The following CDH12 variants were observed in gnomAD, a reference collection of about 807,000 sequenced individuals.
CDH12 encodes the protein cadherin 12.
A neutral mutation model predicts 74.1 loss-of-function variants in CDH12; 41 were observed. The observed-to-expected ratio is 0.55, with a 90% CI of 0.43 to 0.72. The LOEUF (loss-of-function observed/expected upper bound fraction) is 0.72. Among genes scored for constraint, CDH12 ranks in the 30% least tolerant of loss-of-function variants. The probability of loss-of-function intolerance (pLI) is 0.00; values close to 1 mark genes in which losing one functional copy is unlikely to be tolerated. For missense variants in CDH12, 945 were observed against 977.2 expected (o/e 0.97, Z 0.44); for synonymous variants, 399 against 355.0 (o/e 1.12, Z -1.39).
At chr5:22,306,840 G>C (rs1232271099) in intron 3 of CDH12, among the ~76,000 whole-genome samples, 1 of 152,132 alleles carries the variant, frequency 6.6e-6, no homozygotes, top group Non-Finnish European at 1.5e-5. Context: ...GATGTACCAT[G>C]CCTCTACATT....
intron 4 of CDH12, among the ~76,000 whole-genome samples, chr5:22,208,501 A>T (rs190180732): frequency 9.5e-4 from 144 of 152,322 alleles, no homozygotes; most frequent in Middle Eastern, 3.4e-3. Flanking sequence ...CAGCTTATTC[A>T]TGATTTCCAC....
chr5:22,721,644 A>C (rs1468553607), intron 1 of CDH12, among the ~76,000 whole-genome samples: 1 of 152,080 alleles, frequency 6.6e-6, no homozygotes, highest in Non-Finnish European at 1.5e-5. Context: ...TTTGAGAGGG[A>C]CCAGGGACAG....
At chr5:22,750,962 T>C (rs7711076) in intron 1 of CDH12, among the ~76,000 whole-genome samples, 37,070 of 145,640 alleles carry the variant, frequency 0.25, 4,819 homozygotes, top group South Asian at 0.32. Flanking sequence ...AGAGAAAAAA[T>C]GAGAACAAGG....
chr5:22,319,401 A>G (rs1738766199), intron 3 of CDH12, among the ~76,000 whole-genome samples: 1 of 152,180 alleles, frequency 6.6e-6, no homozygotes, highest in Non-Finnish European at 1.5e-5. Flanking sequence ...GTGGGAAGAA[A>G]AGGAATAAAA....
rs1179765065 is a variant in CDH12 at position 21,938,837 on chromosome 5, A to T, written c.526+36254T>A. Among the ~76,000 whole-genome samples, 4 of 149,292 alleles carry T rather than the reference A, an allele frequency of 2.7e-5. No individual in the cohort carries two copies. In the East Asian group the frequency reaches 7.8e-4, roughly 29 times the overall value. On this transcript the variant is annotated intron_variant, in intron 6 of 14. Transcript: ENST00000382254. ...TTTTTACCAGGTTTGAAAGGGGAGC[A>T]GTCCTTTGAATTAGAATTATTTGAA...
At chr5:22,060,520 G>T (rs546934815) in intron 5 of CDH12, among the ~76,000 whole-genome samples, 8 of 150,584 alleles carry the variant, frequency 5.3e-5, no homozygotes, top group Non-Finnish European at 8.9e-5. Context: ...ATGAGAGAAA[G>T]GCAAGGAACT....
chr5:22,594,414 G>T (rs528825916), intron 1 of CDH12, among the ~76,000 whole-genome samples: 1 of 152,080 alleles, frequency 6.6e-6, no homozygotes, highest in African/African-American at 2.4e-5. Context: ...CCAAAGAGAC[G>T]TACTCATCTC....
chr5:21,986,270 T>C (rs16900643), intron 5 of CDH12, among the ~76,000 whole-genome samples: 5,071 of 152,274 alleles, frequency 0.033, 263 homozygotes, highest in African/African-American at 0.12. Context: ...TTACACATCC[T>C]GTTATAGAAA....
intron 1 of CDH12, among the ~76,000 whole-genome samples, chr5:22,575,226 T>C (rs1333014856): frequency 2.0e-5 from 3 of 152,096 alleles, no homozygotes; most frequent in South Asian, 2.1e-4. Flanking sequence ...ACACTTTTTT[T>C]CCTATATTTC....
At chr5:22,547,689 T>A (rs1462397252) in intron 1 of CDH12, among the ~76,000 whole-genome samples, 1 of 152,150 alleles carries the variant, frequency 6.6e-6, no homozygotes, top group African/African-American at 2.4e-5. Flanking sequence ...AACTAATACA[T>A]CAAATTGTGT....
chr5:22,765,569 T>C (rs988275833), intron 1 of CDH12, among the ~76,000 whole-genome samples: 1 of 152,014 alleles, frequency 6.6e-6, no homozygotes, highest in Non-Finnish European at 1.5e-5. Context: ...AATTTTCAGA[T>C]TGATTTTTTA....
chr5:22,593,568 A>G (rs902909889), intron 1 of CDH12, among the ~76,000 whole-genome samples: 1 of 152,188 alleles, frequency 6.6e-6, no homozygotes, highest in Non-Finnish European at 1.5e-5. Context: ...ATGTTTTAAA[A>G]AATTACATGA....
chr5:22,758,146 T>G (rs1746027793), intron 1 of CDH12, among the ~76,000 whole-genome samples: 1 of 152,204 alleles, frequency 6.6e-6, no homozygotes, highest in African/African-American at 2.4e-5. Context: ...GCTCTCGTCA[T>G]CTAACTGCCA....
chr5:21,910,886 C>T (rs1188974454), intron 6 of CDH12, among the ~76,000 whole-genome samples: 1 of 152,000 alleles, frequency 6.6e-6, no homozygotes, highest in African/African-American at 2.4e-5. Flanking sequence ...AACTCAGATC[C>T]CAGAGGGTAA....
chr5:22,402,710 C>T (rs952815658), intron 3 of CDH12, among the ~76,000 whole-genome samples: 4 of 152,060 alleles, frequency 2.6e-5, no homozygotes, highest in African/African-American at 9.7e-5. Context: ...GTTGGAAGAG[C>T]AAATTCTAAA....
rs557341998 is a variant in CDH12, at chr5:21,970,731, T to G, written c.526+4360A>C. Among the ~76,000 whole-genome samples, 353 of 149,832 alleles carry G rather than the reference T, an allele frequency of 2.4e-3. 3 individuals carry two copies. Among genetic ancestry groups the G allele is most frequent in the African/African-American group, 8.1e-3 (328 of 40,676 alleles). ...GGTGCACACCTGTAATCCCAGTTAC[T>G]CGAGAAGCTGAGGCAGGAGAATCAC... On this transcript the variant is annotated intron_variant, in intron 6 of 14. Coordinates refer to ENST00000382254, the MANE Select transcript of CDH12 (RefSeq NM_004061.5).
Position 22,078,541 on chromosome 5 carries a change from G to T in CDH12, c.136C>A (p.Arg46=). Residue 46 remains arginine (R), a synonymous_variant, in exon 5 of 15, where the codon CGG becomes AGG. Coordinates refer to ENST00000382254, the MANE Select transcript of CDH12 (RefSeq NM_004061.5). ...CGTTTAACACGTTGGAAATGTGACC[G>T]TTGTCCTGGCAGATGGATAACATTT... is the stretch of plus-strand genomic sequence containing the variant. ...RENVIHLPGQ[R]SHFQRVKRGW... is the part of the protein sequence containing the mutation. 1 of 1,613,868 alleles carries T rather than the reference G, an allele frequency of 6.2e-7. No homozygotes were observed. The highest frequency in any genetic ancestry group is 8.5e-7 in the Non-Finnish European group (1 of 1,179,802).
chr5:22,153,903 T>TATATATACACACAC (rs1478012877), intron 4 of CDH12, among the ~76,000 whole-genome samples: 2 of 111,160 alleles, frequency 1.8e-5, no homozygotes, highest in Admixed American at 9.0e-5. Context: ...TATATATATA[T>TATATATACACACAC]ACACACACAT....
At chr5:22,757,318 A>G (rs555486625) in intron 1 of CDH12, among the ~76,000 whole-genome samples, 1 of 152,354 alleles carries the variant, frequency 6.6e-6, no homozygotes, top group South Asian at 2.1e-4. Flanking sequence ...TACCTTGCTT[A>G]AACATTTAGG....
Sources: gnomAD v4.1 joint callset for allele counts (sites outside exome capture counted in the v4.1 genomes callset) on GRCh38, gnomAD v4.1.1 for gene constraint, MANE v1.5 for transcripts, NCBI Gene and HGNC (gene_info 2026-07-23, HGNC 2026-07-21) for gene names.